ZNF37A: variants seen among roughly 807,000 people sequenced by gnomAD.
ZNF37A encodes zinc finger protein 37A, also known as zinc finger protein 37a (KOX 21).
In ZNF37A, 10 loss-of-function variants were observed where a neutral mutation model predicts 12.3. The observed-to-expected ratio is 0.82, with a 90% CI of 0.50 to 1.38. The LOEUF is 1.38. Among genes scored for constraint, ZNF37A ranks in the 40% most tolerant of loss-of-function variants. ZNF37A has a pLI of 0.00. For synonymous variants in ZNF37A, 207 were observed against 223.0 expected (o/e 0.93, Z 0.64); for missense variants, 580 against 651.2 (o/e 0.89, Z 1.19).
At chr10:38,115,805 T>C (rs927848728) in intron 7 of ZNF37A, 1 of 152,126 alleles carries the variant, frequency 6.6e-6, no homozygotes, top group African/African-American at 2.4e-5. Flanking sequence ...TCCTAGGTCT[T>C]TGGGAGGCTG....
chr10:38,133,143 T>C (rs2070056020), intron 7 of ZNF37A, among the ~76,000 whole-genome samples: 1 of 152,218 alleles, frequency 6.6e-6, no homozygotes, highest in Admixed American at 6.5e-5. Context: ...TTGCAAGTTA[T>C]ATTTGTCTTT....
intron 7 of ZNF37A, among the ~76,000 whole-genome samples, chr10:38,134,336 A>T (rs1400088528): frequency 6.6e-6 from 1 of 152,192 alleles, no homozygotes; most frequent in Admixed American, 6.5e-5. Context: ...GTTGCTGGCG[A>T]GGAGCTGTGT....
intron 1 of ZNF37A, 142 bp downstream of exon 1, chr10:38,094,632 C>G (rs890232456): frequency 3.3e-5 from 5 of 152,390 alleles, no homozygotes; most frequent in African/African-American, 7.2e-5. Flanking sequence ...GCGCAAGTCC[C>G]GCGCCTGTGA....
At chr10:38,110,036 A>T (rs1385295820) in intron 5 of ZNF37A, among the ~76,000 whole-genome samples, 2 of 152,236 alleles carry the variant, frequency 1.3e-5, no homozygotes, top group African/African-American at 4.8e-5. Flanking sequence ...GATAGCCAAG[A>T]TAATTCTAAG....
chr10:38,099,307 A>G (rs1590791899), intron 5 of ZNF37A, among the ~76,000 whole-genome samples: 1 of 152,110 alleles, frequency 6.6e-6, no homozygotes. Context: ...GCCCCTGGCA[A>G]CCACCATCCT....
chr10:38,126,405 C>T (rs998516911), downstream of ZNF37A, among the ~76,000 whole-genome samples: 2 of 152,100 alleles, frequency 1.3e-5, no homozygotes, highest in East Asian at 1.9e-4. Flanking sequence ...TAATTCCTGT[C>T]TATATAAACT....
At chr10:38,144,998 G>A (rs1303003092) in intron 7 of ZNF37A, among the ~76,000 whole-genome samples, 3 of 152,048 alleles carry the variant, frequency 2.0e-5, no homozygotes, top group Non-Finnish European at 4.4e-5. Context: ...TTTCCAAATG[G>A]GAGGTGAGGG....
At chr10:38,129,259 AAGAACTTC>A (rs2069975907), downstream of ZNF37A, among the ~76,000 whole-genome samples, 1 of 146,102 alleles carries the variant, frequency 6.8e-6, no homozygotes, top group South Asian at 2.1e-4. Context: ...TAGTGATCTT[AAGAACTTC>A]AGAACTCCAG....
chr10:38,147,750 C>CCTT (rs1185836263), exon 8 of ZNF37A: 30 of 152,222 alleles, frequency 2.0e-4, no homozygotes, highest in African/African-American at 7.0e-4. Flanking sequence ...CTGCTCATTC[C>CCTT]CTTCTACCCA....
chr10:38,134,764 C>A (rs2070084586), intron 7 of ZNF37A, among the ~76,000 whole-genome samples: 1 of 152,220 alleles, frequency 6.6e-6, no homozygotes, highest in Non-Finnish European at 1.5e-5. Flanking sequence ...AGGAGGCAGT[C>A]TGACCATTCT....
intron 7 of ZNF37A, among the ~76,000 whole-genome samples, chr10:38,116,362 A>G (rs1362200902): frequency 6.6e-6 from 1 of 152,244 alleles, no homozygotes; most frequent in African/African-American, 2.4e-5. Context: ...GTTTGTGCTT[A>G]AATGAATTAT....
In ZNF37A at chr10:38,094,437, T is replaced by A. The variant is rs1443986883; in HGVS notation, c.-545T>A. 3 of 152,138 alleles carry A rather than the reference T, an allele frequency of 2.0e-5. No individual in the cohort carries two copies. Among genetic ancestry groups the A allele is most frequent in the Non-Finnish European group, 4.4e-5 (3 of 68,046 alleles). The allele number at this position is 152,138 out of a possible 1,614,324, so 9.4% of individuals were successfully genotyped here. On this transcript the variant is annotated 5_prime_UTR_variant, in exon 1 of 8. Transcript: ENST00000685332. ...CCAGGTTTGTTTTTCTCCCCGGCAC[T>A]CTGACGGGGAGGGCTCCCGGCATCT...
At chr10:38,105,379 G>T (rs1477438199) in intron 5 of ZNF37A, among the ~76,000 whole-genome samples, 3 of 152,002 alleles carry the variant, frequency 2.0e-5, no homozygotes. Flanking sequence ...ACCATTCCTG[G>T]AATTATCCAT....
intron 5 of ZNF37A, among the ~76,000 whole-genome samples, chr10:38,112,793 T>G (rs12269147): frequency 0.21 from 9,820 of 47,572 alleles, 1,770 homozygotes; most frequent in East Asian, 0.32. Context: ...TTCTTTTCTT[T>G]TCTTGTCTTG....
chr10:38,105,398 T>C (rs1200951872), intron 5 of ZNF37A, among the ~76,000 whole-genome samples: 2 of 152,244 alleles, frequency 1.3e-5, no homozygotes, highest in Admixed American at 6.5e-5. Context: ...ATAGTTGCTA[T>C]ATTAAATATT....
At position 38,115,425 on chromosome 10, in the gene ZNF37A, G is replaced by A. The variant is rs140731702; in HGVS notation, c.238+135G>A. On this transcript the variant is annotated intron_variant, in intron 7 of 7. Transcript: ENST00000685332. ...AGACCTTTGGAAGTAACATGTTGAC[G>A]TGACCCAAATATGCAGTGACTCTGA... 72 of 1,310,736 alleles carry A rather than the reference G, an allele frequency of 5.5e-5. No individual in the cohort carries two copies. In the African/African-American group the frequency reaches 8.5e-4, roughly 15 times the overall value. 81.2% of individuals were successfully genotyped at this position (1,310,736 alleles called of 1,614,324 possible).
intron 5 of ZNF37A, among the ~76,000 whole-genome samples, chr10:38,112,738 T>TCTCGGTCTCGGTCTCGGTCTCGGTCTCGG: frequency 3.4e-5 from 2 of 58,912 alleles, no homozygotes; most frequent in Admixed American, 1.8e-4. Context: ...CCATTTTCTT[T>TCTCGGTCTCGGTCTCGGTCTCGGTCTCGG]TCTTTTCTTT....
intron 7 of ZNF37A, among the ~76,000 whole-genome samples, chr10:38,136,113 A>G (rs2070104465): frequency 1.3e-5 from 2 of 152,144 alleles, no homozygotes; most frequent in Admixed American, 1.3e-4. Context: ...GTTTTTCTGA[A>G]TATAAAATCA....
chr10:38,112,952 T>A (rs176882), intron 5 of ZNF37A, among the ~76,000 whole-genome samples: 2 of 150,826 alleles, frequency 1.3e-5, no homozygotes, highest in South Asian at 4.2e-4. Context: ...GGATTACAGG[T>A]GCCTGCCACC....
Sources: allele counts gnomAD v4.1 joint callset (sites outside exome capture counted in the v4.1 genomes callset), GRCh38; gene constraint gnomAD v4.1.1; transcripts MANE v1.5; gene names NCBI Gene and HGNC (gene_info 2026-07-23, HGNC 2026-07-21).